The following DLG1 variants were observed in gnomAD, a reference collection of about 807,000 sequenced individuals.
DLG1 encodes discs large MAGUK scaffold protein 1.
A neutral mutation model predicts 123.4 loss-of-function variants in DLG1; 42 were observed. The ratio of observed to expected loss-of-function variants is 0.34; its 90% CI spans 0.27 to 0.44. DLG1 has a LOEUF of 0.44. DLG1 is among the 20% of genes least tolerant of loss of function. DLG1 has a pLI of 1.00. For missense variants in DLG1, 942 were observed against 1,082.6 expected (o/e 0.87, Z 1.82); for synonymous variants, 317 against 356.2 (o/e 0.89, Z 1.24).
At chr3:197,167,334 A>C (rs904886672) in intron 5 of DLG1, among the ~76,000 whole-genome samples, 4 of 152,340 alleles carry the variant, frequency 2.6e-5, no homozygotes, top group African/African-American at 9.6e-5. Context: ...TCCTGTTGCC[A>C]AGTGAAACGT....
chr3:197,278,274 C>T (rs1468939427), intron 4 of DLG1, among the ~76,000 whole-genome samples: 4 of 100,530 alleles, frequency 4.0e-5, no homozygotes, highest in Non-Finnish European at 5.4e-5. Context: ...GAGAGCAAGA[C>T]TCTGTCCCAA....
At chr3:197,107,692 T>A (rs138162389) in intron 13 of DLG1, among the ~76,000 whole-genome samples, 2 of 152,214 alleles carry the variant, frequency 1.3e-5, no homozygotes, top group Non-Finnish European at 1.5e-5. Flanking sequence ...CAAATTTAAC[T>A]GAACTCATTT....
intron 8 of DLG1, among the ~76,000 whole-genome samples, chr3:197,139,024 A>C (rs371908202): frequency 6.6e-6 from 1 of 152,188 alleles, no homozygotes; most frequent in East Asian, 1.9e-4. Flanking sequence ...AAAACAATTA[A>C]GTTATTTTTT....
At chr3:197,210,802 G>A (rs1730917368) in intron 4 of DLG1, among the ~76,000 whole-genome samples, 1 of 144,714 alleles carries the variant, frequency 6.9e-6, no homozygotes, top group Non-Finnish European at 1.5e-5. Flanking sequence ...AATAAATAGA[G>A]TGAACATCTC....
Position 197,265,532 on chromosome 3 carries a change from G to A in DLG1, c.318+17147C>T, listed in dbSNP as rs79918545. Among the ~76,000 whole-genome samples, 17 of 152,230 alleles carry A rather than the reference G, an allele frequency of 1.1e-4. No individual in the cohort carries two copies. In the South Asian group the frequency reaches 2.9e-3, roughly 26 times the overall value. Reference sequence around the variant, plus strand: ...GTAAGAGTACCAGAAAGGAGAGAGCGGGACAGAAAAAGCTCCAGAGATCTG... The same window carrying A: ...GTAAGAGTACCAGAAAGGAGAGAGCAGGACAGAAAAAGCTCCAGAGATCTG... On this transcript the variant is annotated intron_variant, in intron 4 of 24. Coordinates refer to ENST00000667157, the MANE Select transcript of DLG1 (RefSeq NM_001366207.1).
chr3:197,260,228 A>C (rs1439349735), intron 4 of DLG1: 2 of 423,124 alleles, frequency 4.7e-6, no homozygotes, highest in Non-Finnish European at 9.4e-6. Context: ...GTCACTAACA[A>C]TGAAATACAG....
chr3:197,130,249 A>G (rs1781824685), intron 11 of DLG1, among the ~76,000 whole-genome samples: 1 of 152,184 alleles, frequency 6.6e-6, no homozygotes, highest in Non-Finnish European at 1.5e-5. Flanking sequence ...AATATTTGCA[A>G]ATGTTCTTTA....
At chr3:197,205,663 A>G (rs1463995141) in intron 4 of DLG1, among the ~76,000 whole-genome samples, 1 of 152,214 alleles carries the variant, frequency 6.6e-6, no homozygotes, top group Non-Finnish European at 1.5e-5. Context: ...CGACATTACA[A>G]TTAATGGTGA....
intron 3 of DLG1, 69 bp downstream of exon 3, chr3:197,296,277 T>C: frequency 6.9e-7 from 1 of 1,441,778 alleles, no homozygotes; most frequent in Non-Finnish European, 9.5e-7. Flanking sequence ...TTTCTTAAGT[T>C]TAAAATAAAT....
chr3:197,203,059 GC>G (rs1371934540), intron 4 of DLG1, among the ~76,000 whole-genome samples: 3 of 152,114 alleles, frequency 2.0e-5, no homozygotes, highest in African/African-American at 7.2e-5. Flanking sequence ...GATCAGGTGA[GC>G]CCAGGAGTTC....
At chr3:197,133,721 T>A (rs550018562) in intron 10 of DLG1, among the ~76,000 whole-genome samples, 1 of 152,148 alleles carries the variant, frequency 6.6e-6, no homozygotes, top group Admixed American at 6.5e-5. Context: ...ATTACTTCAA[T>A]GTTTAGAGGT....
chr3:197,115,344 GGAGAA>G (rs1772631925), intron 13 of DLG1, among the ~76,000 whole-genome samples: 1 of 151,196 alleles, frequency 6.6e-6, no homozygotes, highest in Admixed American at 6.6e-5. Flanking sequence ...AGTAAGAAGA[GGAGAA>G]AAGATGACAC....
At chr3:197,079,209 T>C (rs532829049) in intron 17 of DLG1, among the ~76,000 whole-genome samples, 4 of 152,320 alleles carry the variant, frequency 2.6e-5, no homozygotes, top group East Asian at 1.9e-4. Flanking sequence ...AGTGTAAGAA[T>C]TGATAAAATA....
At chr3:197,126,120 C>T (rs1027794843) in intron 11 of DLG1, among the ~76,000 whole-genome samples, 3 of 152,096 alleles carry the variant, frequency 2.0e-5, no homozygotes, top group Non-Finnish European at 4.4e-5. Flanking sequence ...CAAGTTGAAA[C>T]TGCAAGGTGA....
chr3:197,192,155 G>C (rs1719949215), intron 5 of DLG1, among the ~76,000 whole-genome samples: 1 of 152,130 alleles, frequency 6.6e-6, no homozygotes, highest in Admixed American at 6.5e-5. Context: ...CTGGGCAACA[G>C]AGCAAGACCC....
intron 6 of DLG1, among the ~76,000 whole-genome samples, chr3:197,144,821 C>T (rs1192882587): frequency 6.6e-6 from 1 of 152,044 alleles, no homozygotes; most frequent in Non-Finnish European, 1.5e-5. Context: ...GTTATAAAGG[C>T]ATTTATATAG....
intron 4 of DLG1, among the ~76,000 whole-genome samples, chr3:197,198,430 T>G (rs1460727097): frequency 7.0e-6 from 1 of 143,660 alleles, no homozygotes; most frequent in Non-Finnish European, 1.5e-5. Flanking sequence ...GAGGTTGCAG[T>G]GAGTCGAGAC....
At chr3:197,214,394 G>A (rs910876914) in intron 4 of DLG1, among the ~76,000 whole-genome samples, 3 of 152,032 alleles carry the variant, frequency 2.0e-5, no homozygotes, top group African/African-American at 7.3e-5. Flanking sequence ...CTAACACGGT[G>A]AAACCCCGTC....
intron 5 of DLG1, among the ~76,000 whole-genome samples, chr3:197,154,624 G>A (rs768677820): frequency 6.6e-6 from 1 of 151,962 alleles, no homozygotes; most frequent in Non-Finnish European, 1.5e-5. Flanking sequence ...GCAGTCAGCC[G>A]AGATGGCACC....
Sources: gnomAD v4.1 joint callset for allele counts (sites outside exome capture counted in the v4.1 genomes callset) on GRCh38, gnomAD v4.1.1 for gene constraint, MANE v1.5 for transcripts, NCBI Gene and HGNC (gene_info 2026-07-23, HGNC 2026-07-21) for gene names.